Variants in DMD observed in about 807,000 individuals in gnomAD.
The protein encoded by DMD is dystrophin.
Under a neutral mutation model 330.1 loss-of-function variants are expected in DMD, and 63 were observed. The ratio of observed to expected loss-of-function variants is 0.19; its 90% CI spans 0.16 to 0.24. The LOEUF (loss-of-function observed/expected upper bound fraction) is 0.24, where lower values mean the gene tolerates loss of function less well. Ranked by LOEUF, DMD falls within the 10% of genes least tolerant of loss-of-function variation. The probability of loss-of-function intolerance (pLI) is 1.00; values close to 1 mark genes in which losing one functional copy is unlikely to be tolerated. For synonymous variants in DMD, 1,223 were observed against 959.8 expected (o/e 1.27, Z -5.07); for missense variants, 3,344 against 2,684.1 (o/e 1.25, Z -5.43).
chrX:32,303,961 A>G (rs1193683514), intron 42 of DMD, among the ~76,000 whole-genome samples: 1 of 111,292 alleles, frequency 9.0e-6, no homozygotes, highest in Non-Finnish European at 1.9e-5. Flanking sequence ...AAAAAAGTTA[A>G]AAAGTTATTT....
chrX:31,658,181 T>C (rs1195594875), intron 53 of DMD, 37 bp from the exon 54 acceptor site: 3 of 1,199,535 alleles, frequency 2.5e-6, no homozygotes, highest in South Asian at 1.8e-5. Flanking sequence ...GAATGTCAGT[T>C]TTTTTTATGA....
At chrX:31,699,775 G>A (rs778619900) in intron 52 of DMD, among the ~76,000 whole-genome samples, 7 of 111,930 alleles carry the variant, frequency 6.3e-5, no homozygotes, top group East Asian at 2.8e-4. Context: ...AGGGGTTGGC[G>A]GGTAGAGAAA....
At chrX:32,927,615 T>A (rs775456123) in intron 2 of DMD, among the ~76,000 whole-genome samples, 17 of 111,421 alleles carry the variant, frequency 1.5e-4, no homozygotes, top group South Asian at 3.7e-4. Context: ...AAATGCATAC[T>A]GTCTTGGATT....
chrX:32,928,748 G>A (rs1427485372), intron 2 of DMD, among the ~76,000 whole-genome samples: 2 of 111,800 alleles, frequency 1.8e-5, no homozygotes, highest in South Asian at 3.7e-4. Context: ...ATAAGGAGAC[G>A]TACCAGTTAT....
At position 32,645,062 on chromosome X, in the gene DMD, C is replaced by A; in HGVS notation, c.1051G>T (p.Val351Leu). The A allele has an allele frequency of 1.7e-6, 2 of 1,211,682 alleles. No homozygotes were observed. Among genetic ancestry groups the A allele is most frequent in the Non-Finnish European group, 2.2e-6 (2 of 895,449 alleles). Reference sequence around the variant, plus strand: ...TCAGCAGAAAGAAGCCACGATAATACTTCTTCTAAAGCTGTTTGATAACGG... The same window carrying A: ...TCAGCAGAAAGAAGCCACGATAATAATTCTTCTAAAGCTGTTTGATAACGG... ...LDRYQTALEEVLSWLLSAEDT... is the reference protein window; with the variant it reads ...LDRYQTALEELLSWLLSAEDT... Residue 351 changes from valine (V) to leucine (L), a missense_variant, in exon 10 of 79, where the codon GTA becomes TTA. By Grantham distance (32) the Val-to-Leu change is conservative (BLOSUM62 1). Transcript: ENST00000357033.
intron 63 of DMD, among the ~76,000 whole-genome samples, chrX:31,249,209 C>G (rs1287586622): frequency 8.9e-6 from 1 of 111,775 alleles, no homozygotes; most frequent in Non-Finnish European, 1.9e-5. Flanking sequence ...GATACCTCCA[C>G]TACCACAGAC....
chrX:32,783,254 G>A (rs755978073), intron 7 of DMD, among the ~76,000 whole-genome samples: 5 of 95,455 alleles, frequency 5.2e-5, no homozygotes, highest in South Asian at 4.7e-4. Context: ...GTGTATATAC[G>A]TATATACACA....
chrX:32,689,252 C>A (rs990079728), intron 9 of DMD, among the ~76,000 whole-genome samples: 20 of 109,904 alleles, frequency 1.8e-4, no homozygotes, highest in East Asian at 1.1e-3. Flanking sequence ...AACACAATAA[C>A]GCTCCTTTAA....
intron 1 of DMD, among the ~76,000 whole-genome samples, chrX:33,324,778 A>G (rs936993430): frequency 1.8e-5 from 2 of 111,969 alleles, no homozygotes; most frequent in African/African-American, 6.5e-5. Flanking sequence ...GCACAAATGA[A>G]TATCAACATG....
In DMD at chrX:31,559,322, C is replaced by T. The variant is rs1419009028; in HGVS notation, c.8218-51869G>A. 4.5e-5 allele frequency among the ~76,000 whole-genome samples: 5 copies of T among 110,725 alleles called. No individual in the cohort carries two copies. In the Admixed American group the frequency reaches 4.8e-4, roughly 11 times the overall value. ...CTTCATCTCCATTCCTTATTTCCAC[C>T]TCCCTACTTCTCAACTCACCACCAT... On this transcript the variant is annotated intron_variant, in intron 55 of 78. Coordinates refer to ENST00000357033, the MANE Select transcript of DMD (RefSeq NM_004006.3).
chrX:31,950,377 G>A (rs968838075), intron 45 of DMD, among the ~76,000 whole-genome samples: 9 of 111,360 alleles, frequency 8.1e-5, no homozygotes, highest in African/African-American at 2.9e-4. Flanking sequence ...AGCCTGTTGA[G>A]TGTATTGAGA....
At chrX:31,418,357 T>C (rs2404684) in intron 60 of DMD, among the ~76,000 whole-genome samples, 31,577 of 110,218 alleles carry the variant, frequency 0.29, 5,884 homozygotes, top group African/African-American at 0.68. Flanking sequence ...TCTAATCACC[T>C]CCCAAGGGGC....
At chrX:31,760,441 T>A (rs1409204787) in intron 51 of DMD, among the ~76,000 whole-genome samples, 3 of 112,019 alleles carry the variant, frequency 2.7e-5, no homozygotes, top group Non-Finnish European at 5.6e-5. Context: ...AAGATTATAA[T>A]ATTTTTCTGT....
At chrX:31,502,049 G>T (rs1008120541) in intron 56 of DMD, among the ~76,000 whole-genome samples, 4 of 110,878 alleles carry the variant, frequency 3.6e-5, no homozygotes, top group Non-Finnish European at 7.6e-5. Context: ...CAAATGGTGC[G>T]GAAAAACTGG....
At chrX:32,735,212 T>C (rs747871261) in intron 7 of DMD, among the ~76,000 whole-genome samples, 1,683 of 108,547 alleles carry the variant, frequency 0.016, 47 homozygotes, top group African/African-American at 0.055. Flanking sequence ...TTACAAGGGA[T>C]GTGAAGGACC....
At chrX:33,101,374 T>A (rs2095236890) in intron 1 of DMD, among the ~76,000 whole-genome samples, 1 of 112,324 alleles carries the variant, frequency 8.9e-6, no homozygotes, top group Admixed American at 9.4e-5. Flanking sequence ...ACGCCCATAA[T>A]CTCAGCACTT....
chrX:32,367,701 C>A (rs921851678), intron 34 of DMD, among the ~76,000 whole-genome samples: 1 of 111,910 alleles, frequency 8.9e-6, no homozygotes, highest in Non-Finnish European at 1.9e-5. Context: ...CTAATTTAAA[C>A]AATGTCCAGT....
chrX:32,145,165 A>C (rs1026858971), intron 44 of DMD, among the ~76,000 whole-genome samples: 2 of 112,539 alleles, frequency 1.8e-5, no homozygotes, highest in African/African-American at 6.5e-5. Context: ...AAAGTGACAA[A>C]GTTTAAGACC....
chrX:31,147,713 A>G (rs1374719738), intron 74 of DMD, among the ~76,000 whole-genome samples, 195 bp from the exon 75 acceptor site: 1 of 109,566 alleles, frequency 9.1e-6, no homozygotes, highest in East Asian at 2.9e-4. Flanking sequence ...TGCTAAAAGA[A>G]CAAAACAAAA....
Sources: allele counts gnomAD v4.1 joint callset (sites outside exome capture counted in the v4.1 genomes callset), GRCh38; gene constraint gnomAD v4.1.1; transcripts MANE v1.5; gene names NCBI Gene and HGNC (gene_info 2026-07-23, HGNC 2026-07-21).